Variants in BCOR observed in about 807,000 individuals in gnomAD.
BCOR encodes BCL-6 corepressor.
BCOR carries 10 observed loss-of-function variants against 86.7 expected under a neutral mutation model. The ratio of observed to expected loss-of-function variants is 0.12; its 90% CI spans 0.07 to 0.20. The LOEUF is 0.20. Among genes scored for constraint, BCOR ranks in the 10% least tolerant of loss-of-function variants. BCOR has a pLI of 1.00. For synonymous variants in BCOR, 611 were observed against 609.0 expected (o/e 1.00, Z -0.05); for missense variants, 1,259 against 1,452.1 (o/e 0.87, Z 2.16).
intron 1 of BCOR, among the ~76,000 whole-genome samples, chrX:40,086,126 C>T (rs1011319791): frequency 2.7e-5 from 3 of 109,351 alleles, no homozygotes; most frequent in African/African-American, 1.0e-4. Context: ...TCCTCCCTTC[C>T]CCCCAAAATA....
chrX:40,148,063 CT>C (rs1204109459), intron 1 of BCOR, among the ~76,000 whole-genome samples: 2 of 112,350 alleles, frequency 1.8e-5, no homozygotes, highest in Non-Finnish European at 3.8e-5. Context: ...CCTCGGGCAA[CT>C]TTTTATCTGA....
At chrX:40,141,135 C>T (rs775957698) in intron 1 of BCOR, among the ~76,000 whole-genome samples, 1 of 112,422 alleles carries the variant, frequency 8.9e-6, no homozygotes, top group Non-Finnish European at 1.9e-5. Flanking sequence ...CTTCCTGGGG[C>T]TTGGGCTTGC....
At chrX:40,151,787 G>A (rs1285248959) in intron 1 of BCOR, among the ~76,000 whole-genome samples, 1 of 112,546 alleles carries the variant, frequency 8.9e-6, no homozygotes, top group Non-Finnish European at 1.9e-5. Flanking sequence ...CGAGACGGCG[G>A]CCCCGCCGAT....
chrX:40,072,977 T>C lies in BCOR; in HGVS notation c.2369A>G (p.Asn790Ser), dbSNP rs1204976336. 9.9e-6 allele frequency: 12 copies of C among 1,210,173 alleles called. No individual in the cohort carries two copies. Among genetic ancestry groups the C allele is most frequent in the African/African-American group, 1.7e-5 (1 of 57,176 alleles). Reference protein sequence around the residue: ...PTDKNLKPNPNWNQGKTVVKS... With the variant: ...PTDKNLKPNPSWNQGKTVVKS... ...GACAACAGTCTTCCCTTGATTCCAG[T>C]TGGGGTTCGGCTTTAGGTTCTTGTC... is the stretch of plus-strand genomic sequence containing the variant. Residue 790 changes from asparagine (N) to serine (S), a missense_variant, in exon 4 of 15, where the codon AAC becomes AGC. By Grantham distance (46) the Asn-to-Ser change is conservative. Around this residue, in one of 7 missense-constraint regions of BCOR, gnomAD observed 534 missense variants for 594.8 expected, o/e 0.90. Transcript: ENST00000378444.
chrX:40,098,121 C>A (rs1479046922), upstream of BCOR, among the ~76,000 whole-genome samples: 2 of 104,022 alleles, frequency 1.9e-5, no homozygotes, highest in South Asian at 8.8e-4. Context: ...GACAGCCGCC[C>A]GCCCGCCGCC....
At position 40,110,667 on chromosome X, in the gene BCOR, C is replaced by CTTTTTTTTTTTT. The variant is rs546960508; in HGVS notation, c.-40-32710_-40-32699dup. Among the ~76,000 whole-genome samples the CTTTTTTTTTTTT allele has an allele frequency of 3.4e-4, 10 of 29,549 alleles. 3 individuals are homozygous for CTTTTTTTTTTTT. Among genetic ancestry groups the CTTTTTTTTTTTT allele is most frequent in the Admixed American group, 9.2e-4 (2 of 2,185 alleles). The allele number at this position is 29,549 out of a possible 115,157, so 25.7% of individuals were successfully genotyped here. A position where few individuals can be genotyped will look rare whatever the true frequency, so the allele number is the denominator to read the frequency against. On this transcript the variant is annotated intron_variant, in intron 1 of 14. Transcript: ENST00000342274. ...TTCTTTTTTTTCTTTTTTCCTTTTT[C>CTTTTTTTTTTTT]TTTTTTTTTTTTTTTTTTTTTTTTT... is the stretch of plus-strand genomic sequence containing the variant.
intron 4 of BCOR, 165 bp downstream of exon 4, chrX:40,072,184 C>T (rs1047099397): frequency 2.0e-6 from 1 of 511,669 alleles, no homozygotes; most frequent in African/African-American, 2.3e-5. Context: ...CTCAGTGCTA[C>T]CACTCACGTT....
At chrX:40,127,587 T>A (rs1937557320) in intron 1 of BCOR, among the ~76,000 whole-genome samples, 1 of 111,638 alleles carries the variant, frequency 9.0e-6, no homozygotes, top group South Asian at 3.7e-4. Context: ...GAAGCAAGTC[T>A]GTTGACTAGG....
chrX:40,125,876 G>A (rs1446104404), intron 1 of BCOR, among the ~76,000 whole-genome samples: 1 of 111,645 alleles, frequency 9.0e-6, no homozygotes, highest in Non-Finnish European at 1.9e-5. Context: ...GAGGGCACAT[G>A]TCTCACAGCC....
At chrX:40,055,548 C>CAT in intron 11 of BCOR, 35 bp from the exon 12 acceptor site, 1 of 1,206,355 alleles carries the variant, frequency 8.3e-7, no homozygotes, top group Non-Finnish European at 1.1e-6. Context: ...TATGCTCATG[C>CAT]AAGCCACACT....
At chrX:40,052,739 T>A (rs1363744960) in intron 14 of BCOR, among the ~76,000 whole-genome samples, 1 of 109,169 alleles carries the variant, frequency 9.2e-6, no homozygotes, top group Admixed American at 9.9e-5. Context: ...TACTTTTTAG[T>A]ATTTTTAGTA....
Position 40,073,911 on chromosome X carries a change from C to G in BCOR, c.1435G>C (p.Gly479Arg), listed in dbSNP as rs763751220. 8.3e-7 allele frequency: 1 copy of G among 1,211,100 alleles called. No homozygotes were observed. Among genetic ancestry groups the G allele is most frequent in the Non-Finnish European group, 1.1e-6 (1 of 895,434 alleles). The change falls in exon 4 of 15, where the codon GGA becomes CGA. Residue 479 changes from glycine (G) to arginine (R), a missense_variant. Physicochemically the swap from Gly to Arg is moderately radical, Grantham distance 125. Coordinates refer to ENST00000378444, the MANE Select transcript of BCOR (RefSeq NM_001123385.2). ...AGTGTTTCTTTCGGAATCTCACTTC[C>G]GGAGAGCACTAAGCCACTTCCAGCC... ...SRAGSGLVLS[G>R]SEIPKETLSP...
intron 1 of BCOR, among the ~76,000 whole-genome samples, chrX:40,170,875 A>C (rs750186217): frequency 3.1e-4 from 35 of 112,328 alleles, no homozygotes; most frequent in Non-Finnish European, 3.6e-4. Flanking sequence ...TTTGTTTTCT[A>C]ATCAGCAAGT....
At chrX:40,118,073 T>C (rs147319855) in intron 1 of BCOR, among the ~76,000 whole-genome samples, 1 of 94,280 alleles carries the variant, frequency 1.1e-5, no homozygotes, top group Non-Finnish European at 2.1e-5. Context: ...ACTGAGATAA[T>C]AGAACTGAAA....
chrX:40,054,004 G>C lies in BCOR; in HGVS notation c.4858C>G (p.Pro1620Ala), dbSNP rs759345634. The change falls in exon 14 of 15, where the codon CCC (proline) becomes GCC (alanine). Residue 1620 changes from proline to alanine, a missense_variant. This residue lies in a region of BCOR where 137 missense variants were observed against 149.8 expected (regional missense o/e 0.91). Coordinates refer to ENST00000378444, the MANE Select transcript of BCOR (RefSeq NM_001123385.2). Reference protein sequence around the residue: ...DESGYDVLANPPGPEDQDDDD... With the variant: ...DESGYDVLANAPGPEDQDDDD... The stretch of plus-strand genomic sequence containing the variant: ...TCATCCTGGTCTTCTGGTCCTGGGG[G>C]GTTGGCTAAAACATCATAGCCACTT... 1 of 1,211,351 alleles carries C rather than the reference G, an allele frequency of 8.3e-7. No homozygotes were observed. Among genetic ancestry groups the C allele is most frequent in the Non-Finnish European group, 1.1e-6 (1 of 895,207 alleles).
At chrX:40,064,731 G>A in intron 6 of BCOR, 132 bp from the exon 7 acceptor site, 1 of 718,547 alleles carries the variant, frequency 1.4e-6, no homozygotes, top group South Asian at 2.6e-5. Flanking sequence ...GGAGACTGGG[G>A]TCCTCACACA....
intron 1 of BCOR, among the ~76,000 whole-genome samples, chrX:40,130,274 A>AGGAAACTGAGGCAT (rs1937589082): frequency 9.0e-6 from 1 of 111,675 alleles, no homozygotes; most frequent in Non-Finnish European, 1.9e-5. Flanking sequence ...TTTACAGGTG[A>AGGAAACTGAGGCAT]GGAAACTGAG....
rs1935651296 is a variant in BCOR, at chrX:40,074,177, T to C, written c.1169A>G (p.Asn390Ser). 1 of 1,212,066 alleles carries C rather than the reference T, an allele frequency of 8.3e-7. No individual in the cohort carries two copies. Among genetic ancestry groups the C allele is most frequent in the East Asian group, 3.0e-5 (1 of 33,853 alleles). ...TTCCGGAGCCTTGGGATACTTGCCA[T>C]TGGAGAGCCTGGCCGCGGGGAACTC... ...SSEFPAARLS[N>S]GKYPKAPEGG... The change falls in exon 4 of 15, where the codon AAT becomes AGT. Residue 390 changes from asparagine to serine, a missense_variant. This residue lies in a region of BCOR where 534 missense variants were observed against 594.8 expected (regional missense o/e 0.90). Transcript: ENST00000378444.
chrX:40,084,819 T>G (rs5963734), intron 1 of BCOR, among the ~76,000 whole-genome samples: 1 of 109,853 alleles, frequency 9.1e-6, no homozygotes, highest in African/African-American at 3.3e-5. Flanking sequence ...ATAAAAGATG[T>G]GTAAAATGCA....
Sources: gnomAD v4.1 joint callset for allele counts (sites outside exome capture counted in the v4.1 genomes callset) on GRCh38, gnomAD v4.1.1 for gene constraint, gnomAD v4.1.1 regional missense constraint, MANE v1.5 for transcripts, NCBI Gene and HGNC (gene_info 2026-07-23, HGNC 2026-07-21) for gene names.